The following PRKCI variants were observed in gnomAD, a reference collection of about 807,000 sequenced individuals.
PRKCI encodes the protein protein kinase C iota type.
PRKCI carries 43 observed loss-of-function variants against 84.0 expected under a neutral mutation model. The observed-to-expected ratio is 0.51, with a 90% confidence interval of 0.40 to 0.66. The LOEUF (loss-of-function observed/expected upper bound fraction) is 0.66. PRKCI is among the 30% of genes least tolerant of loss of function. The pLI is 0.00. For synonymous variants in PRKCI, 216 were observed against 234.4 expected (o/e 0.92, Z 0.72); for missense variants, 459 against 745.6 (o/e 0.62, Z 4.48).
At chr3:170,233,952 C>G (rs936592158) in intron 1 of PRKCI, among the ~76,000 whole-genome samples, 1 of 151,412 alleles carries the variant, frequency 6.6e-6, no homozygotes, top group Non-Finnish European at 1.5e-5. Context: ...AACTCCTGAC[C>G]TCTAGTGATC....
chr3:170,273,503 C>T (rs1734045385), intron 7 of PRKCI, among the ~76,000 whole-genome samples, 163 bp downstream of exon 7: 1 of 152,158 alleles, frequency 6.6e-6, no homozygotes, highest in Non-Finnish European at 1.5e-5. Flanking sequence ...ATTTAACATA[C>T]ACATTTGGCA....
intron 12 of PRKCI, among the ~76,000 whole-genome samples, chr3:170,285,916 ATTTTTTT>A (rs553916153): frequency 7.6e-6 from 1 of 131,464 alleles, no homozygotes; most frequent in African/African-American, 2.8e-5. Context: ...GCTAATTTTA[ATTTTTTT>A]TTTTTTTTTT....
At chr3:170,298,973 G>A (rs1734755927) in intron 16 of PRKCI, 22 bp from the exon 17 acceptor site, 1 of 1,495,948 alleles carries the variant, frequency 6.7e-7, no homozygotes, top group South Asian at 1.1e-5. Flanking sequence ...GACTTGAGCT[G>A]TCATCCAGTA....
At chr3:170,258,272 T>A (rs1028387757) in intron 2 of PRKCI, among the ~76,000 whole-genome samples, 4 of 151,500 alleles carry the variant, frequency 2.6e-5, no homozygotes, top group African/African-American at 9.7e-5. Flanking sequence ...AGTGAAGGAC[T>A]CACTTTCACT....
intron 3 of PRKCI, among the ~76,000 whole-genome samples, chr3:170,262,850 T>A (rs1733764109): frequency 6.7e-6 from 1 of 148,454 alleles, no homozygotes; most frequent in Non-Finnish European, 1.5e-5. Flanking sequence ...TTTTTTTTTT[T>A]AACATCAACA....
At chr3:170,294,310 C>G (rs1200172265) in intron 14 of PRKCI, among the ~76,000 whole-genome samples, 1 of 152,150 alleles carries the variant, frequency 6.6e-6, no homozygotes, top group Admixed American at 6.6e-5. Flanking sequence ...ACCTCTAGCA[C>G]AGAATCCAAA....
At chr3:170,293,257 T>G in intron 13 of PRKCI, 126 bp from the exon 14 acceptor site, 1 of 802,608 alleles carries the variant, frequency 1.2e-6, no homozygotes, top group Non-Finnish European at 1.9e-6. Context: ...CCTACCATGA[T>G]AGTTGGAATG....
chr3:170,250,990 C>G (rs756053470), intron 2 of PRKCI, among the ~76,000 whole-genome samples: 1 of 152,056 alleles, frequency 6.6e-6, no homozygotes, highest in Admixed American at 6.6e-5. Flanking sequence ...CATATGAAAA[C>G]CAGTAACTTT....
chr3:170,275,748 G>C (rs1734098644), intron 8 of PRKCI, among the ~76,000 whole-genome samples: 1 of 151,830 alleles, frequency 6.6e-6, no homozygotes. Context: ...TTTGAAAAAA[G>C]CTTATAGTGA....
At chr3:170,241,102 T>G (rs577229740) in intron 2 of PRKCI, among the ~76,000 whole-genome samples, 6 of 152,200 alleles carry the variant, frequency 3.9e-5, no homozygotes, top group Non-Finnish European at 5.9e-5. Flanking sequence ...GGATACAGTG[T>G]GATGTTTCAA....
At chr3:170,260,351 G>A (rs1733692021) in intron 3 of PRKCI, among the ~76,000 whole-genome samples, 1 of 151,976 alleles carries the variant, frequency 6.6e-6, no homozygotes. Context: ...GAGAGCCTGG[G>A]GAATCTAAGT....
chr3:170,299,654 G>A (rs948253926), intron 17 of PRKCI, among the ~76,000 whole-genome samples: 1 of 152,144 alleles, frequency 6.6e-6, no homozygotes, highest in African/African-American at 2.4e-5. Context: ...CAACAACTTT[G>A]TAATCTAGTT....
chr3:170,300,825 G>A (rs910960378), intron 17 of PRKCI, among the ~76,000 whole-genome samples: 6 of 151,674 alleles, frequency 4.0e-5, no homozygotes, highest in Admixed American at 3.3e-4. Context: ...CTTGATTAAT[G>A]TAAAGCATTT....
chr3:170,243,202 A>G (rs1423435762), intron 2 of PRKCI, among the ~76,000 whole-genome samples: 1 of 152,196 alleles, frequency 6.6e-6, no homozygotes, highest in Non-Finnish European at 1.5e-5. Context: ...TCCTTGTGCT[A>G]AGCAGTGCCT....
intron 1 of PRKCI, among the ~76,000 whole-genome samples, chr3:170,232,123 T>C (rs918249720): frequency 1.3e-5 from 2 of 152,088 alleles, no homozygotes; most frequent in African/African-American, 4.8e-5. Flanking sequence ...TAATCACAGC[T>C]CACTGCAGCC....
chr3:170,291,768 A>G lies in PRKCI; in HGVS notation c.1204-86A>G, dbSNP rs1734558455. 6.9e-6 allele frequency: 7 copies of G among 1,012,424 alleles called. No individual in the cohort carries two copies. In the South Asian group the frequency reaches 9.2e-5, roughly 13 times the overall value. 62.7% of individuals were successfully genotyped at this position (1,012,424 alleles called of 1,614,324 possible). On this transcript the variant is annotated intron_variant, in intron 12 of 17. Coordinates refer to ENST00000295797, the MANE Select transcript of PRKCI (RefSeq NM_002740.6). The stretch of plus-strand genomic sequence containing the variant: ...GCTTAATGTATCACTGCAGATGCTG[A>G]ACTTATATGATAGGTGAAATAGAAA...
At chr3:170,248,344 CAACAAA>C (rs1254499859) in intron 2 of PRKCI, among the ~76,000 whole-genome samples, 1 of 145,174 alleles carries the variant, frequency 6.9e-6, no homozygotes, top group African/African-American at 2.6e-5. Flanking sequence ...ACAACAGCAG[CAACAAA>C]AACAAAAACA....
chr3:170,234,207 T>G (rs1732883368), intron 1 of PRKCI, among the ~76,000 whole-genome samples: 1 of 151,830 alleles, frequency 6.6e-6, no homozygotes, highest in Non-Finnish European at 1.5e-5. Flanking sequence ...AATTTTTTAT[T>G]TTTAGTAGAG....
At chr3:170,259,450 A>G (rs748600541) in intron 2 of PRKCI, among the ~76,000 whole-genome samples, 3 of 152,182 alleles carry the variant, frequency 2.0e-5, no homozygotes, top group Non-Finnish European at 4.4e-5. Flanking sequence ...ATTTTTATGC[A>G]AATAGAAATG....
Sources: allele counts gnomAD v4.1 joint callset (sites outside exome capture counted in the v4.1 genomes callset), GRCh38; gene constraint gnomAD v4.1.1; transcripts MANE v1.5; gene names NCBI Gene and HGNC (gene_info 2026-07-23, HGNC 2026-07-21).